The following CCDC148 variants were observed in gnomAD, a reference collection of about 807,000 sequenced individuals.
CCDC148 encodes coiled-coil domain-containing protein 148.
In CCDC148, 89 loss-of-function variants were observed where a neutral mutation model predicts 85.7. That is an observed-to-expected ratio of 1.04 (90% CI 0.87 to 1.24). The LOEUF is 1.24. Among genes scored for constraint, CCDC148 ranks in the 50% most tolerant of loss-of-function variants. CCDC148 has a pLI of 0.00. For missense variants in CCDC148, 692 were observed against 671.7 expected (o/e 1.03, Z -0.33); for synonymous variants, 230 against 213.9 (o/e 1.08, Z -0.66).
At chr2:158,432,240 A>C (rs1687389134) in intron 1 of CCDC148, among the ~76,000 whole-genome samples, 1 of 151,988 alleles carries the variant, frequency 6.6e-6, no homozygotes. Context: ...GAAAATAAAA[A>C]AAAACAGCAG....
intron 1 of CCDC148, among the ~76,000 whole-genome samples, chr2:158,418,692 C>G (rs1686624513): frequency 6.8e-6 from 1 of 146,884 alleles, no homozygotes; most frequent in Non-Finnish European, 1.5e-5. Context: ...CTTATATCAT[C>G]TTACAAACAA....
chr2:158,350,738 C>A (rs1454134405), intron 2 of CCDC148, among the ~76,000 whole-genome samples: 2 of 151,930 alleles, frequency 1.3e-5, no homozygotes, highest in Non-Finnish European at 2.9e-5. Context: ...CTAGTTAATT[C>A]TTTTGTATTA....
At chr2:158,376,151 C>G (rs1046616679) in intron 1 of CCDC148, among the ~76,000 whole-genome samples, 1 of 152,072 alleles carries the variant, frequency 6.6e-6, no homozygotes, top group African/African-American at 2.4e-5. Context: ...GAAAATATTA[C>G]TGTCATTGCT....
At chr2:158,367,708 A>T (rs1684263442) in intron 1 of CCDC148, among the ~76,000 whole-genome samples, 1 of 152,010 alleles carries the variant, frequency 6.6e-6, no homozygotes, top group African/African-American at 2.4e-5. Context: ...TGAACTGGAA[A>T]CCTCATTTGG....
chr2:158,409,897 T>C (rs1409068747), intron 1 of CCDC148, among the ~76,000 whole-genome samples: 2 of 152,160 alleles, frequency 1.3e-5, no homozygotes, highest in Non-Finnish European at 2.9e-5. Flanking sequence ...GTTCTTGTGG[T>C]AGTGAATAAG....
chr2:158,243,517 T>C lies in CCDC148; in HGVS notation c.1251+7255A>G, dbSNP rs561431283. 3.9e-5 allele frequency among the ~76,000 whole-genome samples: 6 copies of C among 152,260 alleles called. No individual in the cohort carries two copies. The East Asian group carries it at 9.7e-4, about 25-fold the overall frequency. ...AAGCTATACCACAATCTTTTTGAAA[T>C]AATCTCGTCTCTCTCGGTCTCCTGC... is the stretch of plus-strand genomic sequence containing the variant. On this transcript the variant is annotated intron_variant, in intron 10 of 13. Transcript: ENST00000283233.
chr2:158,374,350 G>A (rs914185827), intron 1 of CCDC148, among the ~76,000 whole-genome samples: 1 of 151,922 alleles, frequency 6.6e-6, no homozygotes, highest in Non-Finnish European at 1.5e-5. Context: ...ACTTCTCCAA[G>A]AGCTTGGGGT....
chr2:158,444,013 C>G (rs1295604554), intron 1 of CCDC148, among the ~76,000 whole-genome samples: 1 of 152,184 alleles, frequency 6.6e-6, no homozygotes, highest in Non-Finnish European at 1.5e-5. Flanking sequence ...CAAAATACGT[C>G]AGGCTATCAC....
rs145612776 is a variant in CCDC148, at chr2:158,342,784, A to T, written c.252-2104T>A. Among the ~76,000 whole-genome samples, 400 of 152,302 alleles carry T rather than the reference A, an allele frequency of 2.6e-3. 3 individuals are homozygous for T. Among genetic ancestry groups the T allele is most frequent in the African/African-American group, 9.0e-3 (372 of 41,554 alleles). On this transcript the variant is annotated intron_variant, in intron 3 of 13. Coordinates refer to ENST00000283233, the MANE Select transcript of CCDC148 (RefSeq NM_138803.4). ...TAATACATCATCTGGGCAAACGAGCACACAAAAACTTAAGGGATTCTTTGT... is the reference window on the plus strand; with the variant it reads ...TAATACATCATCTGGGCAAACGAGCTCACAAAAACTTAAGGGATTCTTTGT...
chr2:158,259,583 G>A (rs932744254), intron 9 of CCDC148, among the ~76,000 whole-genome samples: 1 of 151,068 alleles, frequency 6.6e-6, no homozygotes, highest in Admixed American at 6.7e-5. Flanking sequence ...TATATTTATT[G>A]GATTAATTTT....
intron 9 of CCDC148, 62 bp downstream of exon 9, chr2:158,309,371 A>C: frequency 7.1e-7 from 1 of 1,409,346 alleles, no homozygotes; most frequent in Non-Finnish European, 9.8e-7. Context: ...AGTTTGAACA[A>C]AAGGGAAAAA....
At position 158,254,360 on chromosome 2, in the gene CCDC148, C is replaced by G. The variant is rs190326015; in HGVS notation, c.1111-3448G>C. Among the ~76,000 whole-genome samples, 46 of 151,700 alleles carry G rather than the reference C, an allele frequency of 3.0e-4. No homozygotes were observed. In the Middle Eastern group the frequency reaches 0.014, roughly 45 times the overall value. Reference sequence around the variant, plus strand: ...TACACTTTAATTTTAAAGCTAGATACTTAATACTAACAGATTATATGGTGC... The same window carrying G: ...TACACTTTAATTTTAAAGCTAGATAGTTAATACTAACAGATTATATGGTGC... On this transcript the variant is annotated intron_variant, in intron 9 of 13. Coordinates refer to ENST00000283233, the MANE Select transcript of CCDC148 (RefSeq NM_138803.4).
At chr2:158,334,802 T>TA (rs1559078676) in intron 7 of CCDC148, among the ~76,000 whole-genome samples, 1 of 151,998 alleles carries the variant, frequency 6.6e-6, no homozygotes, top group African/African-American at 2.4e-5. Flanking sequence ...ATTTTGATTT[T>TA]AAAAAATATA....
intron 9 of CCDC148, among the ~76,000 whole-genome samples, chr2:158,262,195 G>C (rs1026747763): frequency 5.9e-5 from 9 of 151,990 alleles, no homozygotes; most frequent in South Asian, 2.1e-4. Flanking sequence ...AAAAGAACAA[G>C]ATCATATATT....
At chr2:158,357,325 T>C (rs959318392) in intron 2 of CCDC148, among the ~76,000 whole-genome samples, 3 of 152,042 alleles carry the variant, frequency 2.0e-5, no homozygotes, top group Non-Finnish European at 2.9e-5. Context: ...TTGCTGACTA[T>C]TGTATCTTCA....
At chr2:158,428,324 G>T (rs1447001197) in intron 1 of CCDC148, among the ~76,000 whole-genome samples, 1 of 152,102 alleles carries the variant, frequency 6.6e-6, no homozygotes, top group Non-Finnish European at 1.5e-5. Flanking sequence ...GTCAGGGATT[G>T]CACGGAATAA....
intron 1 of CCDC148, among the ~76,000 whole-genome samples, chr2:158,372,136 C>T (rs1302255594): frequency 1.3e-5 from 2 of 151,992 alleles, no homozygotes; most frequent in African/African-American, 4.8e-5. Flanking sequence ...CTCTCATGCC[C>T]TTACTCCCTC....
chr2:158,277,154 T>C (rs903604413), intron 9 of CCDC148, among the ~76,000 whole-genome samples: 5 of 152,344 alleles, frequency 3.3e-5, no homozygotes, highest in Non-Finnish European at 7.4e-5. Flanking sequence ...TGAAGAATTT[T>C]CCCAGTGCCA....
intron 1 of CCDC148, among the ~76,000 whole-genome samples, chr2:158,405,612 C>T (rs991604097): frequency 4.8e-4 from 73 of 152,108 alleles, no homozygotes; most frequent in African/African-American, 1.6e-3. Context: ...ATATTTTTAG[C>T]GTAATCATTT....
Sources: gnomAD v4.1 joint callset for allele counts (sites outside exome capture counted in the v4.1 genomes callset) on GRCh38, gnomAD v4.1.1 for gene constraint, MANE v1.5 for transcripts, NCBI Gene and HGNC (gene_info 2026-07-23, HGNC 2026-07-21) for gene names.